The following RANBP17 variants were observed in gnomAD, a reference collection of about 807,000 sequenced individuals.
The protein encoded by RANBP17 is RAN binding protein 17.
In RANBP17, 158 loss-of-function variants were observed where a neutral mutation model predicts 141.2. That is an observed-to-expected ratio of 1.12 (90% CI 0.98 to 1.28). RANBP17 has a LOEUF of 1.28. RANBP17 is among the 50% of genes most tolerant of loss of function. The probability of loss-of-function intolerance (pLI) is 0.00; values close to 1 mark genes in which losing one functional copy is unlikely to be tolerated. For synonymous variants in RANBP17, 430 were observed against 450.0 expected (o/e 0.96, Z 0.56); for missense variants, 1,438 against 1,290.7 (o/e 1.11, Z -1.75).
chr5:170,878,073 A>G, intron 1 of RANBP17, 24 bp from the exon 2 acceptor site: 1 of 1,522,988 alleles, frequency 6.6e-7, no homozygotes, highest in Non-Finnish European at 8.9e-7. Flanking sequence ...TTGAAGTAAA[A>G]TGTTAATTTT....
intron 14 of RANBP17, among the ~76,000 whole-genome samples, chr5:171,079,540 G>A (rs1306033405): frequency 6.6e-6 from 1 of 152,138 alleles, no homozygotes; most frequent in Non-Finnish European, 1.5e-5. Flanking sequence ...AAATTTCAAT[G>A]TTGTTTTATT....
chr5:170,862,716 C>T (rs988271106), intron 1 of RANBP17, among the ~76,000 whole-genome samples: 1 of 152,150 alleles, frequency 6.6e-6, no homozygotes. Flanking sequence ...AGATGGGACG[C>T]GTGCTTGTAT....
At chr5:171,124,328 AATT>A in intron 14 of RANBP17, among the ~76,000 whole-genome samples, 1 of 152,250 alleles carries the variant, frequency 6.6e-6, no homozygotes, top group South Asian at 2.1e-4. Flanking sequence ...AAAGAATAAA[AATT>A]AATGAAGAAA....
At chr5:170,944,658 A>T (rs547043909) in intron 12 of RANBP17, among the ~76,000 whole-genome samples, 1 of 152,246 alleles carries the variant, frequency 6.6e-6, no homozygotes, top group South Asian at 2.1e-4. Context: ...TTTAAGAAAT[A>T]TCTTCTTTTC....
intron 14 of RANBP17, among the ~76,000 whole-genome samples, chr5:171,033,228 A>C (rs994846112): frequency 4.6e-5 from 7 of 152,116 alleles, no homozygotes; most frequent in Non-Finnish European, 1.0e-4. Flanking sequence ...TATTTTCAGC[A>C]TACTATACAT....
chr5:171,008,105 C>G (rs1432175876), intron 14 of RANBP17, among the ~76,000 whole-genome samples: 1 of 152,128 alleles, frequency 6.6e-6, no homozygotes, highest in Non-Finnish European at 1.5e-5. Flanking sequence ...TGATTAAACA[C>G]CAAGGGAAGA....
At chr5:171,020,549 G>T (rs879003747) in intron 14 of RANBP17, among the ~76,000 whole-genome samples, 2 of 150,114 alleles carry the variant, frequency 1.3e-5, no homozygotes, top group Non-Finnish European at 3.0e-5. Context: ...TTTGGTCTTT[G>T]TTGTTTTAAA....
At chr5:171,055,897 C>A (rs2591485) in intron 14 of RANBP17, among the ~76,000 whole-genome samples, 16,727 of 41,466 alleles carry the variant, frequency 0.4, 2,765 homozygotes, top group African/African-American at 0.53. Flanking sequence ...AAAAAAAAAA[C>A]AAAAAAAAAA....
intron 14 of RANBP17, among the ~76,000 whole-genome samples, chr5:171,012,110 G>A (rs1240070905): frequency 6.6e-6 from 1 of 151,302 alleles, no homozygotes; most frequent in Non-Finnish European, 1.5e-5. Flanking sequence ...TAATACATTT[G>A]TTTAAACAAA....
intron 14 of RANBP17, among the ~76,000 whole-genome samples, chr5:171,065,307 G>A (rs192613440): frequency 1.3e-5 from 2 of 152,108 alleles, no homozygotes; most frequent in East Asian, 3.9e-4. Context: ...TGGGGGGGTG[G>A]GGTGAAGGGG....
chr5:171,286,779 C>G (rs1768197451), intron 25 of RANBP17, among the ~76,000 whole-genome samples: 1 of 152,132 alleles, frequency 6.6e-6, no homozygotes, highest in African/African-American at 2.4e-5. Context: ...TTCCACAAAC[C>G]CTGAAAATCT....
intron 14 of RANBP17, among the ~76,000 whole-genome samples, chr5:171,073,103 G>A: frequency 6.6e-6 from 1 of 152,060 alleles, no homozygotes; most frequent in Non-Finnish European, 1.5e-5. Context: ...TGTTCTGTGT[G>A]GTAATGGGAT....
chr5:171,085,223 C>A (rs1000173340), intron 14 of RANBP17, among the ~76,000 whole-genome samples: 2 of 141,968 alleles, frequency 1.4e-5, no homozygotes, highest in East Asian at 2.2e-4. Flanking sequence ...ATAGGGAATC[C>A]TTTCCCCATT....
intron 1 of RANBP17, among the ~76,000 whole-genome samples, chr5:170,867,659 TGAA>T (rs2127308275): frequency 6.6e-6 from 1 of 152,322 alleles, no homozygotes. Context: ...TAAATTCAAT[TGAA>T]GAGGATTTTT....
intron 22 of RANBP17, among the ~76,000 whole-genome samples, chr5:171,232,348 A>G (rs1342167617): frequency 2.0e-5 from 3 of 152,198 alleles, no homozygotes; most frequent in Non-Finnish European, 4.4e-5. Context: ...TATGTCAGCA[A>G]CTTATGCTGT....
Position 171,178,677 on chromosome 5 carries a change from C to T in RANBP17, c.1866-4490C>T, listed in dbSNP as rs564821960. ...TCCTATTTCTCCACAGCCTTGCCAGCATCTGTTGTTTCCTGACTTTTTAAT... is the reference window on the plus strand; with the variant it reads ...TCCTATTTCTCCACAGCCTTGCCAGTATCTGTTGTTTCCTGACTTTTTAAT... On this transcript the variant is annotated intron_variant, in intron 16 of 27. Coordinates refer to ENST00000523189, the MANE Select transcript of RANBP17 (RefSeq NM_022897.5). 2.0e-4 allele frequency among the ~76,000 whole-genome samples: 31 copies of T among 152,286 alleles called. No individual in the cohort carries two copies. In the South Asian group the frequency reaches 3.9e-3, roughly 19 times the overall value.
intron 14 of RANBP17, among the ~76,000 whole-genome samples, chr5:170,973,428 T>C (rs984673415): frequency 4.6e-5 from 7 of 152,162 alleles, no homozygotes; most frequent in African/African-American, 1.7e-4. Flanking sequence ...AGCTAAGCTC[T>C]AAACTCAGAA....
chr5:170,870,809 A>G (rs1767660804), intron 1 of RANBP17, among the ~76,000 whole-genome samples: 1 of 152,164 alleles, frequency 6.6e-6, no homozygotes, highest in African/African-American at 2.4e-5. Flanking sequence ...GTCTTCCACA[A>G]TGGTTGAACT....
chr5:170,902,738 T>C (rs1187530441), intron 5 of RANBP17, among the ~76,000 whole-genome samples: 1 of 152,254 alleles, frequency 6.6e-6, no homozygotes, highest in East Asian at 1.9e-4. Flanking sequence ...GTTGATGCTA[T>C]TGCTTTCTGT....
Sources: allele counts gnomAD v4.1 joint callset (sites outside exome capture counted in the v4.1 genomes callset), GRCh38; gene constraint gnomAD v4.1.1; transcripts MANE v1.5; gene names NCBI Gene and HGNC (gene_info 2026-07-23, HGNC 2026-07-21).